Variants in NPY2R observed in about 807,000 individuals in gnomAD.
NPY2R encodes the protein neuropeptide Y receptor Y2, also known as neuropeptide Y receptor type 2.
In NPY2R, 17 loss-of-function variants were observed where a neutral mutation model predicts 22.3. That is an observed-to-expected ratio of 0.76 (90% CI 0.52 to 1.14). NPY2R has a LOEUF of 1.14. Among genes scored for constraint, NPY2R ranks in the 50% most tolerant of loss-of-function variants. NPY2R has a pLI of 0.00. For synonymous variants in NPY2R, 209 were observed against 183.4 expected, an observed-to-expected ratio of 1.14 and a Z score of -1.13; for missense variants, 424 against 467.9, an observed-to-expected ratio of 0.91 and a Z score of 0.87.
At chr4:155,179,962 A>G in the NPY2R span, among the ~76,000 whole-genome samples, 2 of 150,864 alleles carry the variant, frequency 1.3e-5, no homozygotes, top group Admixed American at 6.6e-5. Flanking sequence ...GACAAGTCCT[A>G]TACTTTCTAT....
chr4:155,201,040 T>C, the NPY2R span, among the ~76,000 whole-genome samples: 1 of 120,206 alleles, frequency 8.3e-6, no homozygotes, highest in Admixed American at 8.4e-5. Context: ...TAAAATAAAA[T>C]ATAAAACTAC....
At chr4:155,200,130 C>T in the NPY2R span, among the ~76,000 whole-genome samples, 3,738 of 152,104 alleles carry the variant, frequency 0.025, 146 homozygotes, top group African/African-American at 0.086. Context: ...CAAAAATCTA[C>T]GAAGAACTTA....
chr4:155,185,569 A>T, the NPY2R span, among the ~76,000 whole-genome samples: 1 of 152,160 alleles, frequency 6.6e-6, no homozygotes. Flanking sequence ...AGCATAAAAA[A>T]ACTAGTTATT....
intron 1 of NPY2R, among the ~76,000 whole-genome samples, chr4:155,209,307 T>C (rs1729353573): frequency 6.6e-6 from 1 of 152,220 alleles, no homozygotes; most frequent in Non-Finnish European, 1.5e-5. Context: ...TTCTTTGAGA[T>C]AGGTCATTAT....
At chr4:155,182,603 A>G in the NPY2R span, among the ~76,000 whole-genome samples, 17,823 of 152,138 alleles carry the variant, frequency 0.12, 1,352 homozygotes, top group African/African-American at 0.21. Context: ...GAGAATCACA[A>G]TGAAGTTCTC....
the NPY2R span, among the ~76,000 whole-genome samples, chr4:155,197,015 TA>T: frequency 4.6e-5 from 7 of 151,924 alleles, no homozygotes; most frequent in Non-Finnish European, 7.4e-5. Context: ...ACATAATATA[TA>T]TTATTTTCAT....
upstream of NPY2R, among the ~76,000 whole-genome samples, chr4:155,206,265 G>T (rs1048783929): frequency 5.9e-5 from 9 of 152,190 alleles, no homozygotes; most frequent in African/African-American, 2.2e-4. Context: ...AAGAAATCAA[G>T]CATCAATAAT....
the NPY2R span, among the ~76,000 whole-genome samples, chr4:155,175,365 A>T: frequency 1.3e-5 from 2 of 152,152 alleles, no homozygotes; most frequent in Admixed American, 1.3e-4. Flanking sequence ...AATAAGGTCG[A>T]CTTACCTGAA....
chr4:155,214,590 T>C lies in NPY2R; in HGVS notation c.651T>C (p.Thr217=), dbSNP rs994429027. ...WPGEEKSIYG[T]VYSLSSLLIL... Reference sequence around the variant, plus strand: ...GCGAGGAGAAGAGCATCTATGGCACTGTCTATAGTCTTTCTTCCTTGTTGA... The same window carrying C: ...GCGAGGAGAAGAGCATCTATGGCACCGTCTATAGTCTTTCTTCCTTGTTGA... The change falls in exon 2 of 2, where the codon ACT becomes ACC. Residue 217 remains threonine, a synonymous_variant. Transcript: ENST00000329476. 4 of 1,614,118 alleles carry C rather than the reference T, an allele frequency of 2.5e-6. No homozygotes were observed. The highest frequency in any genetic ancestry group is 3.4e-6 in the Non-Finnish European group (4 of 1,180,038).
the NPY2R span, among the ~76,000 whole-genome samples, chr4:155,196,922 T>C: frequency 6.6e-6 from 1 of 151,960 alleles, no homozygotes; most frequent in East Asian, 1.9e-4. Context: ...CTATTTATTT[T>C]AAGAGATGTC....
chr4:155,184,950 A>T, the NPY2R span, among the ~76,000 whole-genome samples: 5 of 148,120 alleles, frequency 3.4e-5, no homozygotes, highest in Non-Finnish European at 6.0e-5. Context: ...GCTAAATTAT[A>T]TATATATTAT....
chr4:155,196,630 G>A, the NPY2R span, among the ~76,000 whole-genome samples: 2 of 151,916 alleles, frequency 1.3e-5, no homozygotes, highest in Admixed American at 1.3e-4. Flanking sequence ...GAAAAAGGTA[G>A]CTGAAGAGCC....
chr4:155,212,539 G>A (rs1303921634), intron 1 of NPY2R, among the ~76,000 whole-genome samples: 3 of 152,314 alleles, frequency 2.0e-5, no homozygotes, highest in South Asian at 2.1e-4. Flanking sequence ...CATGATGCAT[G>A]CAGGTTTGAA....
the NPY2R span, among the ~76,000 whole-genome samples, chr4:155,190,191 T>C: frequency 6.6e-6 from 1 of 151,994 alleles, no homozygotes; most frequent in Admixed American, 6.6e-5. Flanking sequence ...TGTTTCAAGT[T>C]AAATAAAAGG....
the NPY2R span, among the ~76,000 whole-genome samples, chr4:155,180,871 G>A: frequency 6.6e-6 from 1 of 151,394 alleles, no homozygotes; most frequent in Admixed American, 6.6e-5. Context: ...TATATAAATA[G>A]ATTATATGTG....
the NPY2R span, among the ~76,000 whole-genome samples, chr4:155,174,456 T>G: frequency 9.4e-6 from 1 of 105,990 alleles, no homozygotes; most frequent in East Asian, 3.1e-4. Context: ...TATCATTGGC[T>G]AAGCTTTATA....
Position 155,213,963 on chromosome 4 carries a change from T to C in NPY2R, c.24T>C (p.Ala8=). 6.2e-7 allele frequency: 1 copy of C among 1,614,034 alleles called. No homozygotes were observed. Among genetic ancestry groups the C allele is most frequent in the Non-Finnish European group, 8.5e-7 (1 of 1,180,020 alleles). MGPIGAE[A]DENQTVEEMK... is the part of the protein sequence containing the mutation. The stretch of plus-strand genomic sequence containing the variant: ...AAATGGGTCCAATAGGTGCAGAGGC[T>C]GATGAGAACCAGACAGTGGAAGAAA... The change falls in exon 2 of 2, where the codon GCT becomes GCC. Residue 8 remains alanine, a synonymous_variant. Coordinates refer to ENST00000329476, the MANE Select transcript of NPY2R (RefSeq NM_000910.4).
the NPY2R span, among the ~76,000 whole-genome samples, chr4:155,189,929 T>G: frequency 6.6e-6 from 1 of 152,024 alleles, no homozygotes; most frequent in Non-Finnish European, 1.5e-5. Context: ...ATTGAGCTAT[T>G]TGTCTTTTAA....
At chr4:155,189,310 C>T in the NPY2R span, among the ~76,000 whole-genome samples, 1 of 152,020 alleles carries the variant, frequency 6.6e-6, no homozygotes, top group Admixed American at 6.6e-5. Context: ...TCACCAAAGG[C>T]ATCCTGCACT....
Sources: gnomAD v4.1 joint callset for allele counts (sites outside exome capture counted in the v4.1 genomes callset) on GRCh38, gnomAD v4.1.1 for gene constraint, MANE v1.5 for transcripts, NCBI Gene and HGNC (gene_info 2026-07-23, HGNC 2026-07-21) for gene names.